The following KDM6A variants were observed in gnomAD, a reference collection of about 807,000 sequenced individuals.
The protein encoded by KDM6A is lysine-specific demethylase 6A.
In KDM6A, 11 loss-of-function variants were observed where a neutral mutation model predicts 117.6. The observed-to-expected ratio is 0.09, with a 90% CI of 0.06 to 0.15. The LOEUF is 0.15. KDM6A is among the 10% of genes least tolerant of loss of function. KDM6A has a pLI of 1.00. For missense variants in KDM6A, 799 were observed against 1,077.3 expected (o/e 0.74, Z 3.62); for synonymous variants, 384 against 396.1 (o/e 0.97, Z 0.36).
intron 25 of KDM6A, 115 bp downstream of exon 25, chrX:45,086,094 C>A: frequency 2.0e-6 from 1 of 494,883 alleles, no homozygotes; most frequent in South Asian, 2.7e-5. Flanking sequence ...ACTTACCATT[C>A]AGCGAAGAAT....
chrX:45,011,984 C>G (rs937008050), intron 5 of KDM6A, among the ~76,000 whole-genome samples: 2 of 108,550 alleles, frequency 1.8e-5, no homozygotes, highest in African/African-American at 6.7e-5. Flanking sequence ...GGGGCCTCCC[C>G]CTATGTTGCC....
At chrX:44,966,052 A>C (rs1296073888) in intron 3 of KDM6A, among the ~76,000 whole-genome samples, 1 of 111,491 alleles carries the variant, frequency 9.0e-6, no homozygotes, top group Non-Finnish European at 1.9e-5. Flanking sequence ...CTTGCTACTT[A>C]GTGGTTGTTA....
At chrX:44,959,633 A>G (rs2038560407) in intron 2 of KDM6A, among the ~76,000 whole-genome samples, 1 of 111,456 alleles carries the variant, frequency 9.0e-6, no homozygotes, top group Non-Finnish European at 1.9e-5. Flanking sequence ...TTATTCATTA[A>G]TGTAAAATTA....
chrX:45,036,071 C>T (rs2042800882), intron 7 of KDM6A, among the ~76,000 whole-genome samples: 1 of 111,351 alleles, frequency 9.0e-6, no homozygotes. Flanking sequence ...CAAAGGATTC[C>T]GGGTTTTAGA....
chrX:45,054,065 T>C, intron 10 of KDM6A, 110 bp downstream of exon 10: 1 of 793,555 alleles, frequency 1.3e-6, no homozygotes, highest in Non-Finnish European at 1.9e-6. Context: ...GTATTTTCTC[T>C]TCTAAATACA....
intron 3 of KDM6A, among the ~76,000 whole-genome samples, chrX:44,962,673 T>C (rs2038737008): frequency 1.8e-5 from 2 of 111,935 alleles, no homozygotes; most frequent in African/African-American, 6.6e-5. Context: ...ATAAAACCAA[T>C]CAAACAAAAT....
At chrX:45,067,451 T>A (rs1181558578) in intron 17 of KDM6A, among the ~76,000 whole-genome samples, 1 of 111,275 alleles carries the variant, frequency 9.0e-6, no homozygotes, top group Non-Finnish European at 1.9e-5. Context: ...TGATGAAATT[T>A]TAACTCACCT....
At chrX:44,946,989 CTATGT>C (rs1342728110) in intron 2 of KDM6A, among the ~76,000 whole-genome samples, 43 of 111,754 alleles carry the variant, frequency 3.8e-4, no homozygotes, top group African/African-American at 1.3e-3. Flanking sequence ...TTAAGTCTTT[CTATGT>C]TATATTTTAC....
chrX:44,939,030 G>A (rs1488030664), intron 2 of KDM6A, among the ~76,000 whole-genome samples: 1 of 112,364 alleles, frequency 8.9e-6, no homozygotes, highest in Non-Finnish European at 1.9e-5. Flanking sequence ...GAGCTCTGGT[G>A]GAGATACATA....
At chrX:45,047,518 T>C (rs1305654843) in intron 8 of KDM6A, among the ~76,000 whole-genome samples, 1 of 107,806 alleles carries the variant, frequency 9.3e-6, no homozygotes, top group Non-Finnish European at 1.9e-5. Context: ...TCAATCCATA[T>C]AGTGATTTTC....
intron 2 of KDM6A, among the ~76,000 whole-genome samples, chrX:44,932,679 T>G (rs1378322812): frequency 9.0e-6 from 1 of 111,244 alleles, no homozygotes; most frequent in Non-Finnish European, 1.9e-5. Flanking sequence ...TTGTAAATAT[T>G]TATTAAGCCC....
intron 27 of KDM6A, among the ~76,000 whole-genome samples, chrX:45,102,155 G>A (rs919798057): frequency 8.9e-5 from 10 of 111,816 alleles, no homozygotes; most frequent in South Asian, 3.7e-4. Context: ...TGACACTTAC[G>A]AAGTAAGAGG....
At chrX:45,082,531 C>T (rs759276799) in intron 21 of KDM6A, 45 bp from the exon 22 acceptor site, 1 of 852,879 alleles carries the variant, frequency 1.2e-6, no homozygotes, top group Admixed American at 2.2e-5. Context: ...AAAGGATTGC[C>T]AGTTGTAGAA....
At chrX:44,882,483 G>T (rs781728446) in intron 2 of KDM6A, among the ~76,000 whole-genome samples, 39 of 112,098 alleles carry the variant, frequency 3.5e-4, no homozygotes, top group African/African-American at 1.3e-3. Context: ...AGAAATAATT[G>T]CTTGGAAAAT....
intron 24 of KDM6A, 133 bp downstream of exon 24, chrX:45,083,741 A>C: frequency 5.4e-6 from 3 of 558,121 alleles, no homozygotes; most frequent in Non-Finnish European, 8.7e-6. Flanking sequence ...AGACTTTTTA[A>C]CTGGGCTCAG....
At chrX:45,056,032 A>G (rs1293052181) in intron 10 of KDM6A, among the ~76,000 whole-genome samples, 1 of 111,172 alleles carries the variant, frequency 9.0e-6, no homozygotes, top group African/African-American at 3.3e-5. Flanking sequence ...CCAGTTAACT[A>G]ATTTTACATT....
At chrX:44,952,055 A>G (rs1345188609) in intron 2 of KDM6A, among the ~76,000 whole-genome samples, 3 of 112,254 alleles carry the variant, frequency 2.7e-5, no homozygotes, top group Non-Finnish European at 3.7e-5. Flanking sequence ...TGATTTCAAT[A>G]GTGTAATTCT....
Position 45,108,885 on chromosome X carries a change from C to T in KDM6A, c.4162-1194C>T, listed in dbSNP as rs1261670474. Among the ~76,000 whole-genome samples the T allele has an allele frequency of 1.3e-4, 13 of 99,477 alleles. No individual in the cohort carries two copies. In the South Asian group the frequency reaches 2.0e-3, roughly 15 times the overall value. The allele number at this position is 99,477 out of a possible 115,157, so 86.4% of individuals were successfully genotyped here. A position where few individuals can be genotyped will look rare whatever the true frequency, so the allele number is the denominator to read the frequency against. ...ATCGCAAGAACAAAAAACCAAACAC[C>T]GCACATTCTCACTCATAGGTGGGAA... On this transcript the variant is annotated intron_variant, in intron 28 of 29. Transcript: ENST00000611820.
chrX:45,030,744 C>A (rs970934994), intron 6 of KDM6A, among the ~76,000 whole-genome samples: 1 of 111,229 alleles, frequency 9.0e-6, no homozygotes, highest in African/African-American at 3.3e-5. Flanking sequence ...AAATCTCACT[C>A]TGTCGCCCAT....
Sources: gnomAD v4.1 joint callset for allele counts (sites outside exome capture counted in the v4.1 genomes callset) on GRCh38, gnomAD v4.1.1 for gene constraint, MANE v1.5 for transcripts, NCBI Gene and HGNC (gene_info 2026-07-23, HGNC 2026-07-21) for gene names.